Variants in KYNU observed in about 807,000 individuals in gnomAD.
KYNU encodes the protein L-kynurenine hydrolase.
In KYNU, 54 loss-of-function variants were observed where a neutral mutation model predicts 59.2. The observed-to-expected ratio is 0.91, with a 90% CI of 0.73 to 1.14. The LOEUF is 1.14. KYNU is among the 50% of genes most tolerant of loss of function. KYNU has a pLI of 0.00. For missense variants in KYNU, 567 were observed against 554.4 expected, an observed-to-expected ratio of 1.02 and a Z score of -0.23; for synonymous variants, 177 against 192.0, an observed-to-expected ratio of 0.92 and a Z score of 0.65.
At chr2:142,940,819 T>A (rs1683571317) in intron 4 of KYNU, among the ~76,000 whole-genome samples, 1 of 152,214 alleles carries the variant, frequency 6.6e-6, no homozygotes, top group Admixed American at 6.5e-5. Flanking sequence ...GCACCAGCTG[T>A]AAATTCAGGG....
chr2:142,927,742 G>A lies in KYNU; in HGVS notation c.373+1G>A. The A allele has an allele frequency of 1.9e-6, 3 of 1,601,302 alleles. No homozygotes were observed. Among genetic ancestry groups the A allele is most frequent in the Non-Finnish European group, 1.7e-6 (2 of 1,168,486 alleles). On this transcript the variant is annotated splice_donor_variant, in intron 4 of 13. Coordinates refer to ENST00000264170, the MANE Select transcript of KYNU (RefSeq NM_003937.3). LOFTEE classifies it high-confidence loss of function. Reference sequence around the variant, plus strand: ...GTAGGCCTTATGAAGGACATTGTAGGTAAGTACAAAACACTGAAGTTTTTC... The same window carrying A: ...GTAGGCCTTATGAAGGACATTGTAGATAAGTACAAAACACTGAAGTTTTTC...
Position 142,959,936 on chromosome 2 carries a change from A to G in KYNU, c.583-688A>G, listed in dbSNP as rs188221204. On this transcript the variant is annotated intron_variant, in intron 7 of 13. Coordinates refer to ENST00000264170, the MANE Select transcript of KYNU (RefSeq NM_003937.3). ...TCTTTGGTTTAGTTTAATTTAGTTT[A>G]GTTTTTTTCTGAGACAGAGTTGCTC... Among the ~76,000 whole-genome samples the G allele has an allele frequency of 1.8e-3, 275 of 152,176 alleles. 2 individuals are homozygous for G. Among genetic ancestry groups the G allele is most frequent in the Non-Finnish European group, 4.3e-4 (29 of 67,978 alleles).
rs1006218074 is a variant in KYNU at position 143,050,003 on chromosome 2, T to C, written c.*7831T>C. The C allele has an allele frequency of 1.3e-5, 2 of 148,330 alleles. No individual in the cohort carries two copies. Among genetic ancestry groups the C allele is most frequent in the Non-Finnish European group, 3.0e-5 (2 of 67,212 alleles). 9.2% of individuals were successfully genotyped at this position (148,330 alleles called of 1,614,324 possible). On this transcript the variant is annotated 3_prime_UTR_variant, in exon 14 of 14. Transcript: ENST00000264170. ...TCCAATCACATAAGTAGGATTTACC[T>C]GAATATATATATAATATATAAACAT...
intron 4 of KYNU, among the ~76,000 whole-genome samples, chr2:142,942,879 G>GGGCT (rs1377782606): frequency 6.6e-6 from 1 of 152,126 alleles, no homozygotes; most frequent in African/African-American, 2.4e-5. Context: ...CACTTGGGAG[G>GGGCT]GGCTGCATGT....
At chr2:142,972,753 C>T (rs898992922) in intron 8 of KYNU, among the ~76,000 whole-genome samples, 26 of 147,772 alleles carry the variant, frequency 1.8e-4, no homozygotes, top group African/African-American at 6.5e-4. Context: ...ATGAATTTGC[C>T]ATTTATAGTC....
At position 142,960,757 on chromosome 2, in the gene KYNU, C is replaced by T. The variant is rs199529102; in HGVS notation, c.716C>T (p.Ala239Val). ...QHFNIPAITK[A>V]GQAKGCYVGF... is the part of the protein sequence containing the mutation. ...TTTAATATTCCTGCCATCACAAAAG[C>T]TGGACAAGCGAAGGTATGCACGCCA... The change falls in exon 8 of 14, where the codon GCT (alanine) becomes GTT (valine). Residue 239 changes from alanine to valine, a missense_variant. Transcript: ENST00000264170. The T allele has an allele frequency of 3.7e-6, 6 of 1,613,988 alleles. No individual in the cohort carries two copies. In the East Asian group the frequency reaches 1.1e-4, roughly 30 times the overall value.
At chr2:142,892,848 C>T (rs1016802201) in intron 2 of KYNU, among the ~76,000 whole-genome samples, 4 of 152,092 alleles carry the variant, frequency 2.6e-5, no homozygotes, top group African/African-American at 4.8e-5. Context: ...CCTTGACCTC[C>T]GAGTCCAAGT....
intron 8 of KYNU, among the ~76,000 whole-genome samples, chr2:142,972,409 A>G (rs182437772): frequency 1.1e-4 from 17 of 152,120 alleles, no homozygotes; most frequent in Admixed American, 1.0e-3. Flanking sequence ...CTTATCTCTC[A>G]TCTCTGGATT....
chr2:143,040,938 T>C (rs1252099353), intron 13 of KYNU, among the ~76,000 whole-genome samples: 1 of 152,102 alleles, frequency 6.6e-6, no homozygotes, highest in African/African-American at 2.4e-5. Context: ...AAAAAAGTTA[T>C]TATTTCATCA....
At chr2:142,927,831 T>A in intron 4 of KYNU, 90 bp downstream of exon 4, 1 of 885,498 alleles carries the variant, frequency 1.1e-6, no homozygotes, top group Non-Finnish European at 1.9e-6. Context: ...CAAAATCTTA[T>A]TGAAGAACAT....
Position 142,883,871 on chromosome 2 carries a change from G to A in KYNU, c.-19-1478G>A, listed in dbSNP as rs975714485. Among the ~76,000 whole-genome samples the A allele has an allele frequency of 4.6e-5, 7 of 152,268 alleles. No homozygotes were observed. In the East Asian group the frequency reaches 1.2e-3, roughly 25 times the overall value. On this transcript the variant is annotated intron_variant, in intron 1 of 13. Coordinates refer to ENST00000264170, the MANE Select transcript of KYNU (RefSeq NM_003937.3). ...CTTATGCACTCTCTCATACACTGCTGTCCTGCCATTACTGGGAGTCACATA... is the reference window on the plus strand; with the variant it reads ...CTTATGCACTCTCTCATACACTGCTATCCTGCCATTACTGGGAGTCACATA...
chr2:142,899,029 G>A (rs1681979985), intron 2 of KYNU, among the ~76,000 whole-genome samples: 1 of 152,176 alleles, frequency 6.6e-6, no homozygotes. Context: ...TCAATGGTGG[G>A]TCTGAGATGG....
At chr2:142,882,504 G>GGC (rs1479337971) in intron 1 of KYNU, among the ~76,000 whole-genome samples, 1 of 151,898 alleles carries the variant, frequency 6.6e-6, no homozygotes, top group Admixed American at 6.6e-5. Context: ...GACAGGCTCC[G>GGC]GTGTGTGATG....
At chr2:142,941,275 C>T (rs6705547) in intron 4 of KYNU, among the ~76,000 whole-genome samples, 28,074 of 152,062 alleles carry the variant, frequency 0.18, 3,482 homozygotes, top group African/African-American at 0.34. Context: ...AATACTTTTA[C>T]CACTTGGAAT....
At position 143,040,277 on chromosome 2, in the gene KYNU, G is replaced by C. The variant is rs752571375; in HGVS notation, c.1042-151G>C. ...TTAATAGCAAAGCATTTAAAGGAGGGCATGATTTTACACAAAAAGATTATG... is the reference window on the plus strand; with the variant it reads ...TTAATAGCAAAGCATTTAAAGGAGGCCATGATTTTACACAAAAAGATTATG... On this transcript the variant is annotated intron_variant, in intron 12 of 13. Transcript: ENST00000264170. The C allele has an allele frequency of 9.3e-5, 59 of 633,534 alleles. 1 individual carries two copies. The South Asian group carries it at 1.1e-3, about 12-fold the overall frequency. The allele number at this position is 633,534 out of a possible 1,614,324, so 39.2% of individuals were successfully genotyped here. A position where few individuals can be genotyped will look rare whatever the true frequency, so the allele number is the denominator to read the frequency against.
intron 4 of KYNU, among the ~76,000 whole-genome samples, chr2:142,940,784 C>T (rs1683569823): frequency 6.6e-6 from 1 of 152,182 alleles, no homozygotes; most frequent in South Asian, 2.1e-4. Context: ...AGTCAAAAAT[C>T]CTAGAAACCA....
chr2:142,927,842 A>G (rs547539060), intron 4 of KYNU, 101 bp downstream of exon 4: 80 of 839,940 alleles, frequency 9.5e-5, no homozygotes, highest in Non-Finnish European at 1.3e-4. Context: ...TGAAGAACAT[A>G]GTGATTTTCT....
intron 2 of KYNU, among the ~76,000 whole-genome samples, chr2:142,895,449 G>A (rs1343099927): frequency 6.6e-6 from 1 of 152,110 alleles, no homozygotes; most frequent in East Asian, 1.9e-4. Context: ...GCAAAGTTAT[G>A]TCAATGAAGT....
chr2:142,926,503 C>T lies in KYNU; in HGVS notation c.291-1156C>T, dbSNP rs149627208. On this transcript the variant is annotated intron_variant, in intron 3 of 13. Coordinates refer to ENST00000264170, the MANE Select transcript of KYNU (RefSeq NM_003937.3). ...GTAAGGAGGACACTGGGAGTTTTCA[C>T]AAAAGCAGTGTCTCCCAGAGGAAAA... is the stretch of plus-strand genomic sequence containing the variant. Among the ~76,000 whole-genome samples, 496 of 152,248 alleles carry T rather than the reference C, an allele frequency of 3.3e-3. 3 individuals carry two copies. The highest frequency in any genetic ancestry group is 0.011 in the African/African-American group (471 of 41,552).
Sources: allele counts gnomAD v4.1 joint callset (sites outside exome capture counted in the v4.1 genomes callset), GRCh38; gene constraint gnomAD v4.1.1; transcripts MANE v1.5; gene names NCBI Gene and HGNC (gene_info 2026-07-23, HGNC 2026-07-21).